The following UNC13A variants were observed in gnomAD, a reference collection of about 807,000 sequenced individuals.
The protein encoded by UNC13A is protein unc-13 homolog A.
A neutral mutation model predicts 219.7 loss-of-function variants in UNC13A; 61 were observed. The ratio of observed to expected loss-of-function variants is 0.28; its 90% CI spans 0.23 to 0.34. The LOEUF (loss-of-function observed/expected upper bound fraction) is 0.34, where lower values mean the gene tolerates loss of function less well. Among genes scored for constraint, UNC13A ranks in the 10% least tolerant of loss-of-function variants. The pLI, the probability that UNC13A is intolerant of heterozygous loss-of-function variation, is 1.00. For missense variants in UNC13A, 1,476 were observed against 2,270.3 expected (o/e 0.65, Z 7.11); for synonymous variants, 920 against 884.6 (o/e 1.04, Z -0.71).
intron 41 of UNC13A, among the ~76,000 whole-genome samples, chr19:17,616,983 G>A (rs2076672949): frequency 1.3e-5 from 2 of 152,186 alleles, no homozygotes; most frequent in African/African-American, 4.8e-5. Flanking sequence ...GGAGACCGAA[G>A]CAAAATACAG....
At chr19:17,667,474 T>TATC (rs2079678524) in intron 6 of UNC13A, among the ~76,000 whole-genome samples, 1 of 152,024 alleles carries the variant, frequency 6.6e-6, no homozygotes, top group Admixed American at 6.6e-5. Context: ...TTATTATTAT[T>TATC]ATCAATATTA....
intron 4 of UNC13A, among the ~76,000 whole-genome samples, chr19:17,670,087 C>A (rs1717207676): frequency 6.6e-6 from 1 of 151,546 alleles, no homozygotes; most frequent in African/African-American, 2.4e-5. Flanking sequence ...GCTGGGACTA[C>A]AGGCACCCGC....
intron 1 of UNC13A, among the ~76,000 whole-genome samples, chr19:17,677,369 CT>C (rs1280178035): frequency 3.4e-4 from 30 of 89,288 alleles, no homozygotes; most frequent in Admixed American, 7.0e-4. Flanking sequence ...TTTTTTTTTT[CT>C]TTTTTTTTTT....
rs761012220 is a variant in UNC13A at position 17,647,324 on chromosome 19, G to A, written c.1985C>T (p.Ala662Val). The A allele has an allele frequency of 1.7e-5, 28 of 1,610,712 alleles. No homozygotes were observed. The Admixed American group carries it at 2.3e-4, about 14-fold the overall frequency. Residue 662 changes from alanine to valine, a missense_variant, in exon 17 of 44, where the codon GCG (alanine) becomes GTG (valine). Coordinates refer to ENST00000519716, the MANE Select transcript of UNC13A (RefSeq NM_001080421.3). The part of the protein sequence containing the change: ...TKTAHTQQMK[A>V]VKQSVLDGTS... ...GCCGTCCAGCACGCTCTGCTTGACC[G>A]CCTTCATCTGCTGCGTGTGCGCCGT...
chr19:17,675,904 G>A, intron 2 of UNC13A, 108 bp downstream of exon 2: 1 of 1,381,518 alleles, frequency 7.2e-7, no homozygotes, highest in Non-Finnish European at 1.0e-6. Context: ...ATGCTCAGAA[G>A]ACATAAAGCC....
intron 15 of UNC13A, 56 bp downstream of exon 15, chr19:17,648,856 A>T (rs941010403): frequency 2.6e-6 from 4 of 1,549,452 alleles, no homozygotes; most frequent in African/African-American, 2.7e-5. Flanking sequence ...GGACAATTCC[A>T]GAAGCTCCTA....
chr19:17,638,417 A>G (rs2076933046), intron 25 of UNC13A, among the ~76,000 whole-genome samples: 1 of 152,170 alleles, frequency 6.6e-6, no homozygotes, highest in East Asian at 1.9e-4. Flanking sequence ...GCAGTGAGCC[A>G]TGATTGCATC....
Position 17,658,184 on chromosome 19 carries a change from A to T in UNC13A, c.645T>A (p.Thr215=), listed in dbSNP as rs765666053. 6.2e-7 allele frequency: 1 copy of T among 1,613,998 alleles called. No homozygotes were observed. Among genetic ancestry groups the T allele is most frequent in the Non-Finnish European group, 8.5e-7 (1 of 1,179,898 alleles). The part of the protein sequence containing the change: ...TSNSIPPPYY[T]TSQPNASVHQ... Reference sequence around the variant, plus strand: ...GGACTGAGGCGTTGGGTTGTGACGTAGTATAATAGGGCGGCGGGATGCTGT... The same window carrying T: ...GGACTGAGGCGTTGGGTTGTGACGTTGTATAATAGGGCGGCGGGATGCTGT... Residue 215 remains threonine, a synonymous_variant, in exon 9 of 44, where the codon ACT becomes ACA. Coordinates refer to ENST00000519716, the MANE Select transcript of UNC13A (RefSeq NM_001080421.3).
chr19:17,612,800 G>A (rs949252474), intron 41 of UNC13A, among the ~76,000 whole-genome samples: 1 of 152,076 alleles, frequency 6.6e-6, no homozygotes, highest in Non-Finnish European at 1.5e-5. Flanking sequence ...AGACGAGATC[G>A]CACCACTGCA....
intron 5 of UNC13A, 34 bp from the exon 6 acceptor site, chr19:17,668,224 A>T: frequency 6.3e-7 from 1 of 1,592,290 alleles, no homozygotes; most frequent in Non-Finnish European, 8.6e-7. Flanking sequence ...AGCCTGGAAG[A>T]CCCTCCCTGC....
intron 8 of UNC13A, among the ~76,000 whole-genome samples, chr19:17,660,149 G>A (rs1287081281): frequency 1.3e-5 from 2 of 152,028 alleles, no homozygotes; most frequent in African/African-American, 2.4e-5. Flanking sequence ...CGATCCTCCC[G>A]CCTCAGCTTC....
intron 21 of UNC13A, among the ~76,000 whole-genome samples, chr19:17,640,868 TTTTC>T (rs1013856071): frequency 9.2e-5 from 13 of 141,138 alleles, no homozygotes; most frequent in East Asian, 3.9e-4. Context: ...CTGCTTCTTT[TTTTC>T]TTTCTTTCTT....
chr19:17,618,258 G>C (rs908070705), intron 40 of UNC13A, among the ~76,000 whole-genome samples, 163 bp downstream of exon 40: 2 of 152,202 alleles, frequency 1.3e-5, no homozygotes, highest in South Asian at 4.1e-4. Context: ...GCTCCTTAAG[G>C]CTCCAGCATT....
At chr19:17,685,199 C>CTT (rs11432679) in intron 1 of UNC13A, among the ~76,000 whole-genome samples, 5 of 151,040 alleles carry the variant, frequency 3.3e-5, no homozygotes, top group African/African-American at 9.7e-5. Context: ...ATGAGTGAAT[C>CTT]TTTTTTTTTG....
At chr19:17,621,451 T>C (rs1482120859) in intron 37 of UNC13A, among the ~76,000 whole-genome samples, 1 of 151,994 alleles carries the variant, frequency 6.6e-6, no homozygotes, top group Non-Finnish European at 1.5e-5. Context: ...AAACACCCAT[T>C]AGCACAGCAA....
At chr19:17,640,193 C>T (rs2076954055) in intron 22 of UNC13A, among the ~76,000 whole-genome samples, 1 of 152,158 alleles carries the variant, frequency 6.6e-6, no homozygotes, top group Non-Finnish European at 1.5e-5. Context: ...GGCCACCACA[C>T]CCAGCTAATT....
rs888378892 is a variant in UNC13A, at chr19:17,668,120, A to G, written c.465T>C (p.Asp155=). Residue 155 remains aspartate (D), a synonymous_variant, in exon 6 of 44, where the codon GAT becomes GAC. Transcript: ENST00000519716. The part of the protein sequence containing the change: ...LEQLNAMRDQ[D]EYSFQDEQDK... ...CCCCTCCCACCCCAACACTCACTTC[A>G]TCCTGGTCCCGCATAGCATTGAGCT... The G allele has an allele frequency of 6.2e-7, 1 of 1,613,550 alleles. No homozygotes were observed. Among genetic ancestry groups the G allele is most frequent in the African/African-American group, 1.3e-5 (1 of 74,886 alleles).
At chr19:17,622,013 T>TTGTGTGTG in intron 36 of UNC13A, 143 bp from the exon 37 acceptor site, 1 of 810,616 alleles carries the variant, frequency 1.2e-6, no homozygotes, top group Non-Finnish European at 2.1e-6. Flanking sequence ...GATAGTGTGT[T>TTGTGTGTG]TGTGTGTGTG....
intron 6 of UNC13A, among the ~76,000 whole-genome samples, chr19:17,667,501 C>T (rs1176307441): frequency 6.6e-6 from 1 of 151,782 alleles, no homozygotes; most frequent in Non-Finnish European, 1.5e-5. Flanking sequence ...TGAGACAGAG[C>T]CTTGCTCTGT....
Sources: gnomAD v4.1 joint callset for allele counts (sites outside exome capture counted in the v4.1 genomes callset) on GRCh38, gnomAD v4.1.1 for gene constraint, MANE v1.5 for transcripts, NCBI Gene and HGNC (gene_info 2026-07-23, HGNC 2026-07-21) for gene names.